Variants in EYS observed in about 807,000 individuals in gnomAD.
EYS encodes the protein EGF-like photoreceptor maintenance factor, also known as protein eyes shut homolog.
A neutral mutation model predicts 282.1 loss-of-function variants in EYS; 250 were observed. The ratio of observed to expected loss-of-function variants is 0.89; its 90% CI spans 0.80 to 0.98. EYS has a LOEUF of 0.98. EYS is among the 50% of genes least tolerant of loss of function. The pLI, the probability that EYS is intolerant of heterozygous loss-of-function variation, is 0.00. For synonymous variants in EYS, 1,355 were observed against 1,282.9 expected (o/e 1.06, Z -1.20); for missense variants, 4,016 against 3,709.0 (o/e 1.08, Z -2.15).
chr6:64,315,275 A>G (rs878944449), intron 29 of EYS, among the ~76,000 whole-genome samples: 3 of 152,222 alleles, frequency 2.0e-5, no homozygotes, highest in Non-Finnish European at 4.4e-5. Context: ...GCAGTAATTA[A>G]TAGCCTACCA....
intron 26 of EYS, among the ~76,000 whole-genome samples, chr6:64,462,635 A>G (rs1479562564): frequency 6.6e-6 from 1 of 151,938 alleles, no homozygotes; most frequent in African/African-American, 2.4e-5. Context: ...CTCACTGCCA[A>G]TTTCAGTTTC....
intron 31 of EYS, among the ~76,000 whole-genome samples, chr6:64,220,544 C>T (rs1375719627): frequency 2.0e-5 from 3 of 152,112 alleles, no homozygotes; most frequent in African/African-American, 7.2e-5. Flanking sequence ...ATCTCTTCCC[C>T]AGGTTCAATC....
At chr6:63,851,317 G>A (rs1030302893) in intron 36 of EYS, among the ~76,000 whole-genome samples, 1 of 152,156 alleles carries the variant, frequency 6.6e-6, no homozygotes, top group African/African-American at 2.4e-5. Flanking sequence ...TCTGGACCAA[G>A]TGGACCTAAT....
At chr6:64,913,295 G>T (rs1374241440) in intron 15 of EYS, among the ~76,000 whole-genome samples, 1 of 151,950 alleles carries the variant, frequency 6.6e-6, no homozygotes, top group Non-Finnish European at 1.5e-5. Flanking sequence ...ACATGTGCAG[G>T]TTTGTAACAC....
chr6:64,592,562 C>T (rs1036972566), intron 25 of EYS, among the ~76,000 whole-genome samples: 6 of 152,044 alleles, frequency 3.9e-5, no homozygotes, highest in Non-Finnish European at 8.8e-5. Context: ...CTCTGATTAT[C>T]CGAAGTGGCA....
At chr6:64,344,014 T>G (rs1429187222) in intron 29 of EYS, among the ~76,000 whole-genome samples, 1 of 152,078 alleles carries the variant, frequency 6.6e-6, no homozygotes, top group African/African-American at 2.4e-5. Flanking sequence ...AGGAAGAAGT[T>G]GAATCTCTGA....
intron 35 of EYS, among the ~76,000 whole-genome samples, chr6:63,897,850 T>G (rs946776248): frequency 2.6e-5 from 4 of 152,146 alleles, no homozygotes; most frequent in Non-Finnish European, 5.9e-5. Flanking sequence ...GTATGGTGCT[T>G]TTGCATTTCC....
intron 12 of EYS, among the ~76,000 whole-genome samples, chr6:65,063,568 C>T (rs1311589728): frequency 6.6e-6 from 1 of 151,924 alleles, no homozygotes; most frequent in Non-Finnish European, 1.5e-5. Flanking sequence ...AGAATAATGG[C>T]CAAAAGGTGT....
intron 22 of EYS, chr6:64,713,134 C>T (rs756724206): frequency 4.6e-5 from 7 of 152,138 alleles, no homozygotes; most frequent in Non-Finnish European, 8.8e-5. Context: ...ACTTTATGTC[C>T]TAAAATGCCA....
At chr6:65,474,370 A>C (rs1765326415) in intron 5 of EYS, among the ~76,000 whole-genome samples, 1 of 152,082 alleles carries the variant, frequency 6.6e-6, no homozygotes, top group Non-Finnish European at 1.5e-5. Context: ...TTTCAGCAAA[A>C]TTTCCAACCA....
At chr6:63,741,287 A>G (rs1472311750) in intron 41 of EYS, among the ~76,000 whole-genome samples, 1 of 152,212 alleles carries the variant, frequency 6.6e-6, no homozygotes, top group Non-Finnish European at 1.5e-5. Context: ...CTGTTTAACA[A>G]GTGCAGCATT....
At chr6:64,311,998 C>T (rs1769730648) in intron 29 of EYS, among the ~76,000 whole-genome samples, 1 of 99,654 alleles carries the variant, frequency 1.0e-5, no homozygotes, top group African/African-American at 5.0e-5. Flanking sequence ...TTTTTCATAC[C>T]CCAGTGGCAC....
At chr6:65,563,413 TTA>T (rs1369604607) in intron 2 of EYS, among the ~76,000 whole-genome samples, 1 of 152,122 alleles carries the variant, frequency 6.6e-6, no homozygotes, top group African/African-American at 2.4e-5. Context: ...GTTATATTTT[TTA>T]TTTTTGTTAA....
chr6:64,934,959 G>T (rs1031803389), intron 15 of EYS, among the ~76,000 whole-genome samples: 3 of 151,554 alleles, frequency 2.0e-5, no homozygotes, highest in Admixed American at 6.6e-5. Context: ...TTTGTTGATG[G>T]GCTTATAATG....
chr6:64,113,737 T>C (rs577191018), intron 31 of EYS, among the ~76,000 whole-genome samples: 1 of 152,278 alleles, frequency 6.6e-6, no homozygotes, highest in Non-Finnish European at 1.5e-5. Context: ...TCACATATAA[T>C]TTTGGTACCG....
intron 13 of EYS, among the ~76,000 whole-genome samples, chr6:65,009,819 T>A (rs981231410): frequency 1.3e-5 from 2 of 152,160 alleles, no homozygotes; most frequent in Non-Finnish European, 2.9e-5. Context: ...AGGGCTAAAA[T>A]CATCCAAAGG....
intron 12 of EYS, among the ~76,000 whole-genome samples, chr6:65,178,341 C>T (rs571915804): frequency 6.6e-6 from 1 of 152,008 alleles, no homozygotes; most frequent in South Asian, 2.1e-4. Context: ...TGGGTAAATT[C>T]CTTTACTACC....
At chr6:64,708,823 T>C (rs1771115227) in intron 22 of EYS, among the ~76,000 whole-genome samples, 1 of 152,230 alleles carries the variant, frequency 6.6e-6, no homozygotes, top group African/African-American at 2.4e-5. Context: ...TGCTGTGCCA[T>C]GAAAAATCAA....
At position 64,751,161 on chromosome 6, in the gene EYS, C is replaced by T. The variant is rs191957647; in HGVS notation, c.3443+62217G>A. Among the ~76,000 whole-genome samples, 53 of 152,286 alleles carry T rather than the reference C, an allele frequency of 3.5e-4. 1 individual carries two copies. The East Asian group carries it at 7.9e-3, about 23-fold the overall frequency. On this transcript the variant is annotated intron_variant, in intron 22 of 42. Coordinates refer to ENST00000503581, the MANE Select transcript of EYS (RefSeq NM_001142800.2). ...CCCTTCCCATGCAAAGACCTTGTTG[C>T]AGCAGTAGTTTCTCCACTCCTTGCC... is the stretch of plus-strand genomic sequence containing the variant.
Sources: allele counts gnomAD v4.1 joint callset (sites outside exome capture counted in the v4.1 genomes callset), GRCh38; gene constraint gnomAD v4.1.1; transcripts MANE v1.5; gene names NCBI Gene and HGNC (gene_info 2026-07-23, HGNC 2026-07-21).